The following MGAT5 variants were observed in gnomAD, a reference collection of about 807,000 sequenced individuals.
The protein encoded by MGAT5 is alpha-1,6-mannosylglycoprotein 6-beta-N-acetylglucosaminyltransferase A.
A neutral mutation model predicts 94.3 loss-of-function variants in MGAT5; 30 were observed. That is an observed-to-expected ratio of 0.32 (90% CI 0.24 to 0.43). MGAT5 has a LOEUF of 0.43. MGAT5 is among the 20% of genes least tolerant of loss of function. MGAT5 has a pLI of 1.00. For missense variants in MGAT5, 691 were observed against 905.5 expected, an observed-to-expected ratio of 0.76 and a Z score of 3.04; for synonymous variants, 310 against 322.9, an observed-to-expected ratio of 0.96 and a Z score of 0.43.
At chr2:134,184,427 T>A (rs1688896842) in intron 1 of MGAT5, among the ~76,000 whole-genome samples, 1 of 152,060 alleles carries the variant, frequency 6.6e-6, no homozygotes. Flanking sequence ...TCTGGGCATG[T>A]GCTCTTCTCT....
intron 14 of MGAT5, among the ~76,000 whole-genome samples, chr2:134,440,718 G>A (rs1685439159): frequency 2.6e-5 from 4 of 152,040 alleles, no homozygotes; most frequent in African/African-American, 9.7e-5. Context: ...AGCTGGTGGA[G>A]GCAGGCCTGA....
intron 1 of MGAT5, among the ~76,000 whole-genome samples, chr2:134,121,001 C>G (rs1257375): frequency 0.022 from 3,320 of 152,108 alleles, 60 homozygotes; most frequent in Non-Finnish European, 0.031. Context: ...ACACACTCCC[C>G]GAGAGCATGC....
At chr2:134,158,918 A>G (rs1687603426) in intron 1 of MGAT5, among the ~76,000 whole-genome samples, 1 of 152,232 alleles carries the variant, frequency 6.6e-6, no homozygotes, top group Admixed American at 6.5e-5. Context: ...GAGCTCTTGA[A>G]ATGCTGCGAA....
At chr2:134,270,114 A>G (rs998260780) in intron 1 of MGAT5, among the ~76,000 whole-genome samples, 26 of 152,238 alleles carry the variant, frequency 1.7e-4, no homozygotes, top group African/African-American at 6.3e-4. Context: ...GATGCTAAAT[A>G]ACAAGGAGTT....
chr2:134,158,650 C>T (rs1031735261), intron 1 of MGAT5, among the ~76,000 whole-genome samples: 2 of 152,142 alleles, frequency 1.3e-5, no homozygotes, highest in Non-Finnish European at 2.9e-5. Context: ...GCTCCTGCCC[C>T]ACCAATTCGG....
chr2:134,300,488 T>G (rs1266446859), intron 2 of MGAT5, among the ~76,000 whole-genome samples: 1 of 152,160 alleles, frequency 6.6e-6, no homozygotes, highest in Admixed American at 6.6e-5. Flanking sequence ...CTCTTCAGCT[T>G]TGGGCCCAAC....
chr2:134,202,349 G>T (rs1679828803), intron 1 of MGAT5, among the ~76,000 whole-genome samples: 1 of 152,206 alleles, frequency 6.6e-6, no homozygotes, highest in Admixed American at 6.5e-5. Context: ...AAGCTGCAGG[G>T]ATTTTGTTTG....
chr2:134,138,513 A>G (rs932405172), intron 1 of MGAT5, among the ~76,000 whole-genome samples: 1 of 152,214 alleles, frequency 6.6e-6, no homozygotes, highest in African/African-American at 2.4e-5. Context: ...ATATCACAGT[A>G]GAAAGTGGAA....
chr2:134,417,796 A>G (rs1236586838), intron 12 of MGAT5, among the ~76,000 whole-genome samples: 1 of 152,216 alleles, frequency 6.6e-6, no homozygotes, highest in South Asian at 2.1e-4. Context: ...GTGGATTTGT[A>G]TAGTGTCACA....
chr2:134,134,698 G>T (rs1397438592), intron 1 of MGAT5, among the ~76,000 whole-genome samples: 1 of 152,084 alleles, frequency 6.6e-6, no homozygotes, highest in Non-Finnish European at 1.5e-5. Context: ...TCAGCAATTT[G>T]GGGGGGCAAT....
chr2:134,412,912 T>C lies in MGAT5; in HGVS notation c.1574T>C (p.Leu525Pro). The C allele has an allele frequency of 6.2e-7, 1 of 1,614,170 alleles. No individual in the cohort carries two copies. The highest frequency in any genetic ancestry group is 8.5e-7 in the Non-Finnish European group (1 of 1,180,002). Reference sequence around the variant, plus strand: ...TTCCCTTACGAGGGCCCAGCTCCCCTGGAAGCTATCGCAAATGGATGTGCT... The same window carrying C: ...TTCCCTTACGAGGGCCCAGCTCCCCCGGAAGCTATCGCAAATGGATGTGCT... ...LGFPYEGPAP[L>P]EAIANGCAFL... The change falls in exon 12 of 16, where the codon CTG becomes CCG. Residue 525 changes from leucine (L) to proline (P), a missense_variant. Physicochemically the swap from Leu to Pro is moderately conservative, Grantham distance 98. Around this residue, in one of 4 missense-constraint regions of MGAT5, gnomAD observed 260 missense variants for 347.0 expected, o/e 0.75. Transcript: ENST00000281923.
intron 2 of MGAT5, among the ~76,000 whole-genome samples, chr2:134,298,953 G>A (rs1350138993): frequency 2.6e-5 from 4 of 152,178 alleles, no homozygotes; most frequent in Non-Finnish European, 4.4e-5. Context: ...ACATTTAGAA[G>A]ATAAGAATTC....
At chr2:134,354,193 A>T (rs915029961) in intron 9 of MGAT5, among the ~76,000 whole-genome samples, 2 of 152,202 alleles carry the variant, frequency 1.3e-5, no homozygotes, top group Non-Finnish European at 2.9e-5. Context: ...ATCATTATAT[A>T]ATTTCTGTAT....
At chr2:134,428,280 C>A in intron 13 of MGAT5, 85 bp from the exon 14 acceptor site, 5 of 1,263,936 alleles carry the variant, frequency 4.0e-6, no homozygotes, top group Non-Finnish European at 5.7e-6. Context: ...TGTTAGCACC[C>A]GTGTATTGAG....
chr2:134,335,291 C>T (rs1688266667), intron 4 of MGAT5, among the ~76,000 whole-genome samples: 2 of 152,066 alleles, frequency 1.3e-5, no homozygotes, highest in African/African-American at 4.8e-5. Flanking sequence ...TCTACCTGGC[C>T]ATAGAAAAAT....
intron 1 of MGAT5, among the ~76,000 whole-genome samples, chr2:134,151,849 C>A (rs1251135678): frequency 3.6e-5 from 5 of 139,770 alleles, no homozygotes; most frequent in African/African-American, 1.4e-4. Context: ...CCCTATGGGA[C>A]CCGCTTACCG....
At chr2:134,145,684 G>A (rs1037013964) in intron 1 of MGAT5, among the ~76,000 whole-genome samples, 1 of 152,232 alleles carries the variant, frequency 6.6e-6, no homozygotes, top group African/African-American at 2.4e-5. Context: ...TTCTGACTCT[G>A]CTCTTTATAG....
At chr2:134,300,719 G>A (rs17714981) in intron 2 of MGAT5, among the ~76,000 whole-genome samples, 24,458 of 152,112 alleles carry the variant, frequency 0.16, 2,074 homozygotes, top group Middle Eastern at 0.37. Flanking sequence ...GTCACTGAAG[G>A]TGTTATTTGA....
rs771829979 is a variant in MGAT5, at chr2:134,441,868, C to T, written c.1980C>T (p.Cys660=). The T allele has an allele frequency of 3.1e-5, 50 of 1,613,852 alleles. No individual in the cohort carries two copies. In the East Asian group the frequency reaches 4.2e-4, roughly 14 times the overall value. Residue 660 remains cysteine (C), a synonymous_variant, in exon 15 of 16, where the codon TGC becomes TGT. Transcript: ENST00000281923. ...KQVCQESQLI[C]EPSFFQHLNK... ...TGTGCCAGGAGAGCCAGCTCATCTG[C>T]GAGCCTTCTTTCTTCCAGCACCTCA... is the stretch of plus-strand genomic sequence containing the variant.
Sources: allele counts gnomAD v4.1 joint callset (sites outside exome capture counted in the v4.1 genomes callset), GRCh38; gene constraint gnomAD v4.1.1; regional missense constraint gnomAD v4.1.1; transcripts MANE v1.5; gene names NCBI Gene and HGNC (gene_info 2026-07-23, HGNC 2026-07-21).